The following SCN1A variants were observed in gnomAD, a reference collection of about 807,000 sequenced individuals.
SCN1A encodes sodium channel protein type 1 subunit alpha.
Under a neutral mutation model 193.7 loss-of-function variants are expected in SCN1A, and 13 were observed. The ratio of observed to expected loss-of-function variants is 0.07; its 90% CI spans 0.04 to 0.11. The LOEUF (loss-of-function observed/expected upper bound fraction) is 0.11. Among genes scored for constraint, SCN1A ranks in the 10% least tolerant of loss-of-function variants. The pLI is 1.00. For synonymous variants in SCN1A, 781 were observed against 843.6 expected (o/e 0.93, Z 1.29); for missense variants, 1,432 against 2,451.1 (o/e 0.58, Z 8.78).
intron 19 of SCN1A, among the ~76,000 whole-genome samples, chr2:166,029,665 CCAT>C (rs1695287142): frequency 6.6e-6 from 1 of 152,034 alleles, no homozygotes; most frequent in Non-Finnish European, 1.5e-5. Flanking sequence ...AAGTAACTGC[CCAT>C]CACCTATTTA....
chr2:166,067,460 C>T (rs1455660702), intron 4 of SCN1A, among the ~76,000 whole-genome samples: 1 of 146,622 alleles, frequency 6.8e-6, no homozygotes. Context: ...TAGATTCCAT[C>T]ACTGACTTCT....
intron 19 of SCN1A, among the ~76,000 whole-genome samples, chr2:166,027,875 C>T (rs1175848219): frequency 1.3e-5 from 2 of 151,992 alleles, no homozygotes; most frequent in Non-Finnish European, 2.9e-5. Context: ...TAAAGACTCT[C>T]AACAAAGGAA....
intron 7 of SCN1A, among the ~76,000 whole-genome samples, chr2:166,053,626 T>C (rs935122778): frequency 3.3e-5 from 5 of 152,020 alleles, no homozygotes; most frequent in Non-Finnish European, 5.9e-5. Flanking sequence ...AGGCCTTCTT[T>C]TGAGCTGTGA....
intron 2 of SCN1A, among the ~76,000 whole-genome samples, chr2:166,105,189 G>A (rs1688555115): frequency 6.6e-6 from 1 of 152,160 alleles, no homozygotes; most frequent in South Asian, 2.1e-4. Flanking sequence ...ACTTTTAAAA[G>A]GTTTCAGAGT....
chr2:166,075,003 C>A (rs1305536163), intron 3 of SCN1A, among the ~76,000 whole-genome samples: 3 of 152,030 alleles, frequency 2.0e-5, no homozygotes, highest in Non-Finnish European at 4.4e-5. Context: ...TTAGTACCTG[C>A]AAGAATAGGT....
Position 166,145,178 on chromosome 2 carries a change from G to GA in SCN1A, c.-50+3868_-50+3869insT, listed in dbSNP as rs1553468439. On this transcript the variant is annotated intron_variant, in intron 1 of 26. Transcript: ENST00000635750. ...TTTTTTTTTTTTTTTTTTTTTGTGG[G>GA]GGACAGAGTCTCGCTCTGTCGTCCA... 5.4e-4 allele frequency among the ~76,000 whole-genome samples: 70 copies of GA among 129,370 alleles called. 3 individuals are homozygous for GA. Among genetic ancestry groups the GA allele is most frequent in the Admixed American group, 1.6e-3 (21 of 12,762 alleles). The allele number at this position is 129,370 out of a possible 152,430, so 84.9% of individuals were successfully genotyped here.
chr2:166,036,295 C>T lies in SCN1A; in HGVS notation c.3182G>A (p.Cys1061Tyr). ...LDDLNNKKDS[C>Y]MSNHTAEIGK... is the part of the protein sequence containing the mutation. ...AATTTCTGCTGTATGATTGGACATA[C>T]AACTGTCTTTCTTGTTGTTTAGATC... Residue 1061 changes from cysteine to tyrosine, a missense_variant, in exon 19 of 29, where the codon TGT becomes TAT. Cys to Tyr is a radical substitution (Grantham distance 194, BLOSUM62 -2). Coordinates refer to ENST00000674923, the MANE Select transcript of SCN1A (RefSeq NM_001165963.4). 6.2e-7 allele frequency: 1 copy of T among 1,613,812 alleles called. No individual in the cohort carries two copies. The highest frequency in any genetic ancestry group is 8.5e-7 in the Non-Finnish European group (1 of 1,179,828).
At chr2:166,097,420 G>A (rs1318412405) in intron 2 of SCN1A, among the ~76,000 whole-genome samples, 1 of 151,932 alleles carries the variant, frequency 6.6e-6, no homozygotes, top group Non-Finnish European at 1.5e-5. Context: ...TCATCCTTTA[G>A]TCTTTATTAA....
intron 18 of SCN1A, among the ~76,000 whole-genome samples, chr2:166,036,840 GT>G (rs1696450247): frequency 1.3e-5 from 2 of 152,200 alleles, no homozygotes; most frequent in African/African-American, 4.8e-5. Context: ...AGATTTATAT[GT>G]GTACAATACG....
chr2:165,993,911 G>A (rs1167673757), intron 28 of SCN1A: 1 of 564,918 alleles, frequency 1.8e-6, no homozygotes, highest in Non-Finnish European at 3.1e-6. Context: ...TAGTTCAAAT[G>A]AATGAGGTTT....
At chr2:166,137,273 A>G (rs1387257108) in intron 1 of SCN1A, among the ~76,000 whole-genome samples, 1 of 152,202 alleles carries the variant, frequency 6.6e-6, no homozygotes, top group Non-Finnish European at 1.5e-5. Flanking sequence ...TTTTACAGAG[A>G]TGAACAAAAA....
At chr2:166,129,684 T>A (rs181499439), upstream of SCN1A, among the ~76,000 whole-genome samples, 374 of 152,272 alleles carry the variant, frequency 2.5e-3, no homozygotes, top group Non-Finnish European at 3.0e-3. Context: ...AACAGGCAAT[T>A]TTTTTAGAAT....
intron 4 of SCN1A, among the ~76,000 whole-genome samples, chr2:166,061,424 G>T (rs1232337266): frequency 6.6e-6 from 1 of 152,116 alleles, no homozygotes; most frequent in Non-Finnish European, 1.5e-5. Flanking sequence ...ATCGGGGAAA[G>T]GTGGGGACAG....
chr2:165,986,990 T>C lies in SCN1A; in HGVS notation c.*4255A>G, dbSNP rs1688652803. 6.6e-6 allele frequency: 1 copy of C among 152,154 alleles called. No individual in the cohort carries two copies. Among genetic ancestry groups the C allele is most frequent in the Admixed American group, 6.6e-5 (1 of 15,260 alleles). The allele number at this position is 152,154 out of a possible 1,614,324, so 9.4% of individuals were successfully genotyped here. ...ATAAACAGTCCATATTCAAATTTAT[T>C]CAACTTTCCCAATAATATTATTTAT... is the stretch of plus-strand genomic sequence containing the variant. On this transcript the variant is annotated 3_prime_UTR_variant, in exon 29 of 29. Coordinates refer to ENST00000674923, the MANE Select transcript of SCN1A (RefSeq NM_001165963.4).
At chr2:166,074,423 A>G (rs532084739) in intron 3 of SCN1A, among the ~76,000 whole-genome samples, 23 of 152,108 alleles carry the variant, frequency 1.5e-4, no homozygotes, top group African/African-American at 5.5e-4. Context: ...TCCTGTTTCA[A>G]GAAAAATGAT....
At chr2:166,035,902 T>G (rs1696266629) in intron 19 of SCN1A, 146 bp downstream of exon 19, 2 of 787,972 alleles carry the variant, frequency 2.5e-6, no homozygotes, top group Non-Finnish European at 4.0e-6. Context: ...TGGTTTCTAG[T>G]GAATGGCTAT....
At chr2:166,085,570 C>T (rs1255503232) in intron 2 of SCN1A, among the ~76,000 whole-genome samples, 5 of 152,072 alleles carry the variant, frequency 3.3e-5, no homozygotes, top group Non-Finnish European at 7.4e-5. Context: ...GCATAGAACC[C>T]ACGGGCAGCG....
chr2:166,074,534 A>G (rs1364229538), intron 3 of SCN1A, among the ~76,000 whole-genome samples: 1 of 152,196 alleles, frequency 6.6e-6, no homozygotes, highest in Non-Finnish European at 1.5e-5. Context: ...CTATAGTGCT[A>G]ACCATATTAT....
At chr2:166,136,561 G>T (rs1389282224) in intron 1 of SCN1A, among the ~76,000 whole-genome samples, 2 of 151,756 alleles carry the variant, frequency 1.3e-5, no homozygotes, top group South Asian at 4.2e-4. Flanking sequence ...TCCTCTCTTG[G>T]GCATCACAAA....
Sources: allele counts gnomAD v4.1 joint callset (sites outside exome capture counted in the v4.1 genomes callset), GRCh38; gene constraint gnomAD v4.1.1; transcripts MANE v1.5; gene names NCBI Gene and HGNC (gene_info 2026-07-23, HGNC 2026-07-21).